Variants in DPP10 observed in about 807,000 individuals in gnomAD.
The protein encoded by DPP10 is inactive dipeptidyl peptidase 10.
In DPP10, 33 loss-of-function variants were observed where a neutral mutation model predicts 120.9. The observed-to-expected ratio is 0.27, with a 90% CI of 0.21 to 0.37. The LOEUF (loss-of-function observed/expected upper bound fraction) is 0.37. DPP10 is among the 10% of genes least tolerant of loss of function. The pLI is 1.00. For missense variants in DPP10, 816 were observed against 942.8 expected (o/e 0.87, Z 1.76); for synonymous variants, 337 against 326.1 (o/e 1.03, Z -0.36).
At chr2:115,688,195 G>T (rs1011463676) in intron 5 of DPP10, among the ~76,000 whole-genome samples, 1 of 152,048 alleles carries the variant, frequency 6.6e-6, no homozygotes, top group African/African-American at 2.4e-5. Context: ...AATTATTTTT[G>T]CTTCTACAGC....
intron 3 of DPP10, among the ~76,000 whole-genome samples, chr2:115,346,727 T>C (rs1289103634): frequency 6.6e-6 from 1 of 152,196 alleles, no homozygotes; most frequent in African/African-American, 2.4e-5. Context: ...ATTGAGTGCC[T>C]TCTATTGAGA....
chr2:115,474,517 T>C (rs568393232), intron 3 of DPP10, among the ~76,000 whole-genome samples: 1 of 152,302 alleles, frequency 6.6e-6, no homozygotes, highest in East Asian at 1.9e-4. Context: ...CCATGCCTTA[T>C]GGATCTTTGG....
At chr2:115,734,316 T>C (rs754551031) in intron 8 of DPP10, among the ~76,000 whole-genome samples, 4 of 152,116 alleles carry the variant, frequency 2.6e-5, no homozygotes, top group African/African-American at 4.8e-5. Flanking sequence ...AGAGTATTGA[T>C]TTTAGCCAAC....
At chr2:114,847,883 G>A (rs1044695400) in intron 1 of DPP10, among the ~76,000 whole-genome samples, 18 of 152,140 alleles carry the variant, frequency 1.2e-4, no homozygotes, top group African/African-American at 4.3e-4. Context: ...CAGACCTTGC[G>A]TGTACCCACC....
At chr2:115,389,081 C>T (rs907668007) in intron 3 of DPP10, among the ~76,000 whole-genome samples, 3 of 152,138 alleles carry the variant, frequency 2.0e-5, no homozygotes, top group Non-Finnish European at 2.9e-5. Context: ...CTATTCTTTT[C>T]TCCTTTGCTG....
intron 1 of DPP10, among the ~76,000 whole-genome samples, chr2:114,535,110 A>G (rs904402355): frequency 1.3e-5 from 2 of 150,534 alleles, no homozygotes; most frequent in Non-Finnish European, 3.0e-5. Context: ...AACATTGTTT[A>G]TAATGAATTT....
At chr2:115,395,921 C>A (rs1286496443) in intron 3 of DPP10, among the ~76,000 whole-genome samples, 3 of 151,990 alleles carry the variant, frequency 2.0e-5, no homozygotes, top group Non-Finnish European at 2.9e-5. Flanking sequence ...ATATTATATT[C>A]TCAAATGATT....
At chr2:115,086,952 A>T (rs13429396) in intron 1 of DPP10, among the ~76,000 whole-genome samples, 22,162 of 152,182 alleles carry the variant, frequency 0.15, 1,857 homozygotes, top group Non-Finnish European at 0.17. Context: ...TCGTCAACAT[A>T]TACTATAATA....
intron 2 of DPP10, among the ~76,000 whole-genome samples, chr2:115,332,156 G>A (rs1267122871): frequency 3.3e-5 from 5 of 151,932 alleles, no homozygotes; most frequent in African/African-American, 1.2e-4. Context: ...GTCTTGGGAG[G>A]GTGTGTGTGT....
chr2:114,668,354 CAGAA>C (rs1304358873), intron 1 of DPP10, among the ~76,000 whole-genome samples: 4 of 152,068 alleles, frequency 2.6e-5, no homozygotes, highest in African/African-American at 4.8e-5. Context: ...TGTCCTAGCG[CAGAA>C]AGAAAGAGAG....
In DPP10 at chr2:115,247,745, G is replaced by A. The variant is rs546845643; in HGVS notation, c.61-61494G>A. Among the ~76,000 whole-genome samples, 3 of 152,170 alleles carry A rather than the reference G, an allele frequency of 2.0e-5. No homozygotes were observed. In the East Asian group the frequency reaches 5.8e-4, roughly 29 times the overall value. On this transcript the variant is annotated intron_variant, in intron 1 of 25. Coordinates refer to ENST00000410059, the MANE Select transcript of DPP10 (RefSeq NM_020868.6). ...GTAAAAACAAAGAAACAGAAATGCA[G>A]TCTACACTTTCAAGAAGGTTGATGA... is the stretch of plus-strand genomic sequence containing the variant.
intron 3 of DPP10, among the ~76,000 whole-genome samples, chr2:115,485,477 A>G (rs1021018862): frequency 2.0e-5 from 3 of 152,088 alleles, no homozygotes; most frequent in Non-Finnish European, 2.9e-5. Flanking sequence ...GTTGTTAAGT[A>G]TGTGAATTTT....
chr2:114,846,558 A>G (rs545008742), intron 1 of DPP10, among the ~76,000 whole-genome samples: 1 of 150,604 alleles, frequency 6.6e-6, no homozygotes, highest in Non-Finnish European at 1.5e-5. Context: ...TCCTAAATGT[A>G]AATTCCATAC....
At chr2:115,088,750 C>CGAAAAA (rs769249185) in intron 1 of DPP10, among the ~76,000 whole-genome samples, 1 of 65,044 alleles carries the variant, frequency 1.5e-5, no homozygotes, top group Non-Finnish European at 2.8e-5. Flanking sequence ...CTGTGCCTGA[C>CGAAAAA]AAAAAAAAAA....
At chr2:114,921,761 A>G (rs1174308832) in intron 1 of DPP10, among the ~76,000 whole-genome samples, 3 of 152,240 alleles carry the variant, frequency 2.0e-5, no homozygotes, top group Admixed American at 6.5e-5. Context: ...CAAAGATAAT[A>G]TCTGTCTATT....
intron 1 of DPP10, among the ~76,000 whole-genome samples, chr2:114,667,035 A>C (rs1257315464): frequency 6.6e-6 from 1 of 152,226 alleles, no homozygotes. Flanking sequence ...AAGAGGCCAC[A>C]TACTTTGCCT....
At chr2:114,654,784 C>T (rs1308691248) in intron 1 of DPP10, among the ~76,000 whole-genome samples, 1 of 152,094 alleles carries the variant, frequency 6.6e-6, no homozygotes, top group East Asian at 1.9e-4. Context: ...TGGCCAGTCC[C>T]AGCAAAGCTG....
chr2:115,293,111 C>T (rs2060728360), intron 1 of DPP10, among the ~76,000 whole-genome samples: 1 of 151,970 alleles, frequency 6.6e-6, no homozygotes, highest in South Asian at 2.1e-4. Context: ...CAAAGACTAG[C>T]AAGTAAGCCA....
chr2:115,654,366 ATAAT>A (rs2088091967), intron 5 of DPP10, among the ~76,000 whole-genome samples: 1 of 152,080 alleles, frequency 6.6e-6, no homozygotes. Flanking sequence ...TTTTCTATTA[ATAAT>A]TCCCTTATTA....
Sources: allele counts gnomAD v4.1 joint callset (sites outside exome capture counted in the v4.1 genomes callset), GRCh38; gene constraint gnomAD v4.1.1; transcripts MANE v1.5; gene names NCBI Gene and HGNC (gene_info 2026-07-23, HGNC 2026-07-21).